HCN1: variants seen among roughly 807,000 people sequenced by gnomAD.
HCN1 encodes potassium/sodium hyperpolarization-activated cyclic nucleotide-gated channel 1.
Under a neutral mutation model 78.9 loss-of-function variants are expected in HCN1, and 13 were observed. The observed-to-expected ratio is 0.16, with a 90% CI of 0.11 to 0.26. HCN1 has a LOEUF of 0.26. Ranked by LOEUF, HCN1 falls within the 10% of genes least tolerant of loss-of-function variation. The pLI, the probability that HCN1 is intolerant of heterozygous loss-of-function variation, is 1.00. For synonymous variants in HCN1, 552 were observed against 455.5 expected, an observed-to-expected ratio of 1.21 and a Z score of -2.70; for missense variants, 810 against 1,154.3, an observed-to-expected ratio of 0.70 and a Z score of 4.32.
intron 2 of HCN1, among the ~76,000 whole-genome samples, chr5:45,491,557 C>G (rs921302603): frequency 7.9e-5 from 12 of 152,170 alleles, no homozygotes; most frequent in Non-Finnish European, 1.6e-4. Flanking sequence ...ATTGCTCAAC[C>G]TCTTTGAACT....
chr5:45,539,944 ATATATATATATATAT>A (rs2111824116), intron 2 of HCN1, among the ~76,000 whole-genome samples: 1 of 144,588 alleles, frequency 6.9e-6, no homozygotes, highest in Admixed American at 6.9e-5. Flanking sequence ...ATATATATAT[ATATATATATATATAT>A]AAAATGTTTA....
intron 2 of HCN1, among the ~76,000 whole-genome samples, chr5:45,629,212 G>C (rs1032372369): frequency 6.6e-6 from 1 of 151,882 alleles, no homozygotes; most frequent in African/African-American, 2.4e-5. Context: ...AGAACTGAAA[G>C]GGGAAATGGA....
At chr5:45,450,106 C>A (rs1326345693) in intron 3 of HCN1, among the ~76,000 whole-genome samples, 1 of 152,208 alleles carries the variant, frequency 6.6e-6, no homozygotes, top group Non-Finnish European at 1.5e-5. Flanking sequence ...GCTGGGATTA[C>A]AGGCGTGAGC....
chr5:45,382,611 A>G (rs1209205313), intron 4 of HCN1, among the ~76,000 whole-genome samples: 1 of 152,140 alleles, frequency 6.6e-6, no homozygotes, highest in Non-Finnish European at 1.5e-5. Context: ...CTACATGAAG[A>G]CAGTGGTCAT....
At chr5:45,594,649 T>C (rs558981741) in intron 2 of HCN1, among the ~76,000 whole-genome samples, 23 of 152,186 alleles carry the variant, frequency 1.5e-4, no homozygotes, top group Non-Finnish European at 1.0e-4. Flanking sequence ...TAAAAATAGA[T>C]ACATTTTTCA....
chr5:45,484,287 T>C (rs181794467), intron 2 of HCN1, among the ~76,000 whole-genome samples: 1 of 152,050 alleles, frequency 6.6e-6, no homozygotes, highest in East Asian at 1.9e-4. Flanking sequence ...ACAAAAAAAT[T>C]AGCCAGGCGT....
intron 2 of HCN1, chr5:45,642,933 T>A (rs535250972): frequency 6.6e-6 from 1 of 152,126 alleles, no homozygotes; most frequent in African/African-American, 2.4e-5. Context: ...GGGGGTATCA[T>A]ATAATCAAGA....
At chr5:45,275,891 A>ATCTT (rs1745047907) in intron 6 of HCN1, among the ~76,000 whole-genome samples, 1 of 152,120 alleles carries the variant, frequency 6.6e-6, no homozygotes, top group African/African-American at 2.4e-5. Flanking sequence ...GTCCCTTTCA[A>ATCTT]TCTTTAAATC....
chr5:45,304,099 T>C (rs144629070), intron 5 of HCN1, among the ~76,000 whole-genome samples: 1 of 152,178 alleles, frequency 6.6e-6, no homozygotes, highest in African/African-American at 2.4e-5. Context: ...TATATGAAAG[T>C]CTCAACTTTT....
intron 2 of HCN1, among the ~76,000 whole-genome samples, chr5:45,554,759 G>C (rs1743439206): frequency 6.6e-6 from 1 of 151,686 alleles, no homozygotes; most frequent in Non-Finnish European, 1.5e-5. Context: ...ATTTTGCTAA[G>C]GGCAATTTGA....
chr5:45,400,697 G>A (rs558463694), intron 3 of HCN1, among the ~76,000 whole-genome samples: 1 of 152,176 alleles, frequency 6.6e-6, no homozygotes, highest in East Asian at 1.9e-4. Context: ...ATGAGCCACT[G>A]TGCCCAGCCT....
At chr5:45,681,145 G>A (rs1041127121) in intron 1 of HCN1, among the ~76,000 whole-genome samples, 6 of 152,048 alleles carry the variant, frequency 3.9e-5, no homozygotes, top group African/African-American at 1.2e-4. Context: ...TGTTGGCTGC[G>A]TGGGAGTCTC....
At chr5:45,423,674 G>T (rs1176097122) in intron 3 of HCN1, among the ~76,000 whole-genome samples, 1 of 151,958 alleles carries the variant, frequency 6.6e-6, no homozygotes, top group Non-Finnish European at 1.5e-5. Flanking sequence ...AAGCTTATTT[G>T]TTAGCCAATC....
At chr5:45,589,697 CATGTTTTTA>C (rs1182315671) in intron 2 of HCN1, among the ~76,000 whole-genome samples, 2 of 152,168 alleles carry the variant, frequency 1.3e-5, no homozygotes, top group African/African-American at 2.4e-5. Flanking sequence ...AATGGCAATA[CATGTTTTTA>C]ATGGCCAATA....
At chr5:45,514,463 G>A (rs1742480926) in intron 2 of HCN1, among the ~76,000 whole-genome samples, 1 of 151,984 alleles carries the variant, frequency 6.6e-6, no homozygotes. Flanking sequence ...AACCTTTAAG[G>A]ACTACTCTTC....
Position 45,403,423 on chromosome 5 carries a change from C to T in HCN1, c.1012-6713G>A, listed in dbSNP as rs140412475. On this transcript the variant is annotated intron_variant, in intron 3 of 7. Transcript: ENST00000303230. Reference sequence around the variant, plus strand: ...TTTAATTGACTCAGTTCAGCATGGCCGGGGATGCCTCAGGAAACATAACCA... The same window carrying T: ...TTTAATTGACTCAGTTCAGCATGGCTGGGGATGCCTCAGGAAACATAACCA... Among the ~76,000 whole-genome samples, 56 of 152,206 alleles carry T rather than the reference C, an allele frequency of 3.7e-4. 1 individual carries two copies. The East Asian group carries it at 7.9e-3, about 22-fold the overall frequency.
At chr5:45,477,113 A>G (rs146853513) in intron 2 of HCN1, among the ~76,000 whole-genome samples, 92 of 152,238 alleles carry the variant, frequency 6.0e-4, no homozygotes, top group African/African-American at 2.1e-3. Context: ...GTCACTGACA[A>G]CACTTTGTAT....
At chr5:45,521,268 C>T (rs915795414) in intron 2 of HCN1, among the ~76,000 whole-genome samples, 2 of 151,928 alleles carry the variant, frequency 1.3e-5, no homozygotes, top group African/African-American at 2.4e-5. Flanking sequence ...TAGCTTCTGG[C>T]GCCTCCCATT....
chr5:45,433,924 T>C (rs1318308049), intron 3 of HCN1, among the ~76,000 whole-genome samples: 2 of 152,194 alleles, frequency 1.3e-5, no homozygotes, highest in Non-Finnish European at 2.9e-5. Flanking sequence ...TGTGGGAGGA[T>C]AGGATATAAA....
Sources: gnomAD v4.1 joint callset for allele counts (sites outside exome capture counted in the v4.1 genomes callset) on GRCh38, gnomAD v4.1.1 for gene constraint, MANE v1.5 for transcripts, NCBI Gene and HGNC (gene_info 2026-07-23, HGNC 2026-07-21) for gene names.